Variants in COQ10B observed in about 807,000 individuals in gnomAD.
The protein encoded by COQ10B is coenzyme Q10B, also known as coenzyme Q-binding protein COQ10 homolog B, mitochondrial.
COQ10B carries 12 observed loss-of-function variants against 27.6 expected under a neutral mutation model. The observed-to-expected ratio is 0.43, with a 90% CI of 0.28 to 0.70. COQ10B has a LOEUF of 0.70. Among genes scored for constraint, COQ10B ranks in the 30% least tolerant of loss-of-function variants. The pLI is 0.17. For synonymous variants in COQ10B, 115 were observed against 103.0 expected (o/e 1.12, Z -0.71); for missense variants, 278 against 288.7 (o/e 0.96, Z 0.27).
In COQ10B at chr2:197,472,800, CAAAAAAAAAA is replaced by C. The variant is rs34942079; in HGVS notation, c.550-945_550-936del. 1.5e-3 allele frequency among the ~76,000 whole-genome samples: 140 copies of C among 96,060 alleles called. 1 individual carries two copies. Among genetic ancestry groups the C allele is most frequent in the African/African-American group, 5.1e-3 (129 of 25,302 alleles). The allele number at this position is 96,060 out of a possible 152,430, so 63.0% of individuals were successfully genotyped here. A position where few individuals can be genotyped will look rare whatever the true frequency, so the allele number is the denominator to read the frequency against. ...TGGGCGACAGAGCAAGGCTCCATCT[CAAAAAAAAAA>C]AAAAAAAAAAAGAAAGATTAAACCA... On this transcript the variant is annotated intron_variant, in intron 4 of 4. Coordinates refer to ENST00000263960, the MANE Select transcript of COQ10B (RefSeq NM_025147.5).
chr2:197,473,445 C>CGT (rs2085904025), intron 4 of COQ10B, among the ~76,000 whole-genome samples: 8 of 94,378 alleles, frequency 8.5e-5, no homozygotes, highest in South Asian at 3.6e-4. Flanking sequence ...TATATATACA[C>CGT]ATATATACAT....
chr2:197,457,831 A>C (rs1034076567), intron 1 of COQ10B, among the ~76,000 whole-genome samples: 2 of 152,216 alleles, frequency 1.3e-5, no homozygotes, highest in Non-Finnish European at 2.9e-5. Context: ...CATGTTGGCC[A>C]GGCTGGTCTT....
chr2:197,461,991 C>T (rs1056612754), intron 2 of COQ10B, among the ~76,000 whole-genome samples: 4 of 150,626 alleles, frequency 2.7e-5, no homozygotes, highest in Middle Eastern at 3.4e-3. Context: ...CTCTTTAGGC[C>T]GGGCGCGGTG....
intron 3 of COQ10B, among the ~76,000 whole-genome samples, chr2:197,464,022 C>CACAT (rs1553574120): frequency 1.4e-3 from 140 of 99,636 alleles, no homozygotes; most frequent in South Asian, 3.1e-3. Context: ...CACACACACA[C>CACAT]ACACATACAT....
At chr2:197,453,778 C>A in intron 1 of COQ10B, 114 bp downstream of exon 1, 1 of 1,080,938 alleles carries the variant, frequency 9.3e-7, no homozygotes, top group Non-Finnish European at 1.4e-6. Context: ...ATTTCCGTGT[C>A]TTTAGAGGAG....
intron 3 of COQ10B, among the ~76,000 whole-genome samples, chr2:197,468,579 C>T (rs1321441977): frequency 6.6e-6 from 1 of 151,978 alleles, no homozygotes; most frequent in Non-Finnish European, 1.5e-5. Flanking sequence ...ATGTATTATC[C>T]TAAAGTTGGG....
At chr2:197,455,233 A>G (rs1040402104) in intron 1 of COQ10B, among the ~76,000 whole-genome samples, 4 of 152,098 alleles carry the variant, frequency 2.6e-5, no homozygotes, top group East Asian at 3.9e-4. Context: ...CAGATACCCA[A>G]TTCACCTCTT....
chr2:197,471,578 A>G (rs899325322), intron 4 of COQ10B, among the ~76,000 whole-genome samples: 2 of 152,274 alleles, frequency 1.3e-5, no homozygotes, highest in Non-Finnish European at 2.9e-5. Context: ...AATGGTGGCA[A>G]TTTTGACTAA....
chr2:197,454,872 C>T (rs548335187), intron 1 of COQ10B, among the ~76,000 whole-genome samples: 4 of 152,134 alleles, frequency 2.6e-5, no homozygotes, highest in East Asian at 1.9e-4. Context: ...TACTGGAAGA[C>T]GAGTGACAAA....
At position 197,457,360 on chromosome 2, in the gene COQ10B, T is replaced by C. The variant is rs189151237; in HGVS notation, c.105-2572T>C. Among the ~76,000 whole-genome samples the C allele has an allele frequency of 4.6e-5, 7 of 152,272 alleles. No individual in the cohort carries two copies. The East Asian group carries it at 1.4e-3, about 29-fold the overall frequency. On this transcript the variant is annotated intron_variant, in intron 1 of 4. Coordinates refer to ENST00000263960, the MANE Select transcript of COQ10B (RefSeq NM_025147.5). ...GTTCCTAGTGCAAATAAATGTTGAA[T>C]GTTTGAGATGATGGATGTGTTAATT...
At chr2:197,458,188 C>A (rs937262116) in intron 1 of COQ10B, among the ~76,000 whole-genome samples, 2 of 151,004 alleles carry the variant, frequency 1.3e-5, no homozygotes, top group Non-Finnish European at 2.9e-5. Context: ...GCGATCCACT[C>A]CATTTACATA....
chr2:197,456,957 G>T (rs2085705805), intron 1 of COQ10B, among the ~76,000 whole-genome samples: 1 of 150,262 alleles, frequency 6.7e-6, no homozygotes, highest in Admixed American at 6.7e-5. Flanking sequence ...TGGCACCAGA[G>T]AACAGTTTTG....
chr2:197,461,618 A>G (rs1320905926), intron 2 of COQ10B, among the ~76,000 whole-genome samples: 1 of 137,112 alleles, frequency 7.3e-6, no homozygotes, highest in East Asian at 2.2e-4. Context: ...GGAGAGGTGT[A>G]CAGGGTCTCA....
chr2:197,463,728 C>G (rs902440985), intron 3 of COQ10B, among the ~76,000 whole-genome samples: 1 of 150,044 alleles, frequency 6.7e-6, no homozygotes, highest in South Asian at 2.1e-4. Context: ...AGGTCAGGAG[C>G]TTGAGATTAG....
Position 197,473,813 on chromosome 2 carries a change from T to C in COQ10B, c.606T>C (p.Asp202=). ...LHSQLATLFF[D]EVVKQMVAAF... is the part of the protein sequence containing the mutation. ...CCCAGCTTGCCACACTCTTTTTTGATGAAGTTGTGAAGCAGATGGTAGCTG... is the reference window on the plus strand; with the variant it reads ...CCCAGCTTGCCACACTCTTTTTTGACGAAGTTGTGAAGCAGATGGTAGCTG... The change falls in exon 5 of 5, where the codon GAT becomes GAC. Residue 202 remains aspartate (D), a synonymous_variant. Transcript: ENST00000263960. The C allele has an allele frequency of 6.3e-7, 1 of 1,598,096 alleles. No homozygotes were observed.
intron 1 of COQ10B, among the ~76,000 whole-genome samples, chr2:197,456,792 TA>T (rs949535338): frequency 1.1e-4 from 17 of 150,088 alleles, no homozygotes; most frequent in African/African-American, 2.2e-4. Context: ...AAAAATAAAT[TA>T]AAAAAAAATT....
At chr2:197,470,616 T>C (rs1351174099) in intron 4 of COQ10B, among the ~76,000 whole-genome samples, 1 of 152,044 alleles carries the variant, frequency 6.6e-6, no homozygotes, top group African/African-American at 2.4e-5. Context: ...AATTATCGGC[T>C]GGATGGGGTG....
At chr2:197,473,437 T>A (rs186071249) in intron 4 of COQ10B, among the ~76,000 whole-genome samples, 1 of 98,334 alleles carries the variant, frequency 1.0e-5, no homozygotes, top group Non-Finnish European at 2.0e-5. Flanking sequence ...TATATATATA[T>A]ATATACACAT....
intron 1 of COQ10B, among the ~76,000 whole-genome samples, chr2:197,457,008 G>GGA (rs1316823016): frequency 6.6e-6 from 1 of 151,936 alleles, no homozygotes; most frequent in African/African-American, 2.4e-5. Context: ...GTGGGGTGGG[G>GGA]GATGGCTTCA....
Sources: allele counts gnomAD v4.1 joint callset (sites outside exome capture counted in the v4.1 genomes callset), GRCh38; gene constraint gnomAD v4.1.1; transcripts MANE v1.5; gene names NCBI Gene and HGNC (gene_info 2026-07-23, HGNC 2026-07-21).